Variants in THAP12 observed in about 807,000 individuals in gnomAD.
THAP12 encodes 52 kDa repressor of the inhibitor of the protein kinase.
In THAP12, 20 loss-of-function variants were observed where a neutral mutation model predicts 63.0. That is an observed-to-expected ratio of 0.32 (90% CI 0.22 to 0.46). The LOEUF (loss-of-function observed/expected upper bound fraction) is 0.46. Among genes scored for constraint, THAP12 ranks in the 20% least tolerant of loss-of-function variants. The pLI, the probability that THAP12 is intolerant of heterozygous loss-of-function variation, is 1.00. For missense variants in THAP12, 568 were observed against 908.2 expected (o/e 0.63, Z 4.81); for synonymous variants, 264 against 328.4 (o/e 0.80, Z 2.12).
At chr11:76,373,133 T>C (rs995609608) in intron 1 of THAP12, among the ~76,000 whole-genome samples, 12 of 152,016 alleles carry the variant, frequency 7.9e-5, no homozygotes, top group Admixed American at 2.6e-4. Flanking sequence ...AAGAATACAC[T>C]ACGTAAGTAC....
In THAP12 at chr11:76,352,696, T is replaced by C. The variant is rs1284108619; in HGVS notation, c.454A>G (p.Ile152Val). ...TTCTCTTCAAGGGTTAGAGGTAAAA[T>C]GTCCTCATCTTGCCCTTCACCCTCT... is the stretch of plus-strand genomic sequence containing the variant. Reference protein sequence around the residue: ...EEEGEGQDEDILPLTLEEKEN... With the variant: ...EEEGEGQDEDVLPLTLEEKEN... The change falls in exon 5 of 5, where the codon ATT becomes GTT. Residue 152 changes from isoleucine to valine, a missense_variant. By Grantham distance (29) the Ile-to-Val change is conservative. Transcript: ENST00000260045. The C allele has an allele frequency of 6.2e-7, 1 of 1,613,344 alleles. No homozygotes were observed. Among genetic ancestry groups the C allele is most frequent in the Admixed American group, 1.7e-5 (1 of 59,952 alleles).
At chr11:76,354,965 A>G (rs1946550797) in intron 4 of THAP12, among the ~76,000 whole-genome samples, 1 of 152,238 alleles carries the variant, frequency 6.6e-6, no homozygotes. Flanking sequence ...AACAGTACTT[A>G]TCTCACGGCT....
At chr11:76,369,356 TCA>T (rs779526113) in intron 1 of THAP12, among the ~76,000 whole-genome samples, 2 of 152,230 alleles carry the variant, frequency 1.3e-5, no homozygotes, top group Non-Finnish European at 1.5e-5. Context: ...ATCTACAATC[TCA>T]CAAACGTAAT....
Position 76,360,974 on chromosome 11 carries a change from T to C in THAP12, c.300A>G (p.Arg100=). 1 of 1,603,968 alleles carries C rather than the reference T, an allele frequency of 6.2e-7. No individual in the cohort carries two copies. The stretch of plus-strand genomic sequence containing the variant: ...GACATACCAGTTCTTTTATTCGTTT[T>C]CTGTGTCTACTATGTGGGTTGTTCA... The part of the protein sequence containing the change: ...SHLNNPHSRH[R]KRIKELSEDE... The change falls in exon 3 of 5, where the codon AGA becomes AGG. Residue 100 remains arginine, a synonymous_variant. Coordinates refer to ENST00000260045, the MANE Select transcript of THAP12 (RefSeq NM_004705.4).
chr11:76,360,885 A>T (rs1329393433), intron 3 of THAP12, 71 bp downstream of exon 3: 1 of 1,031,292 alleles, frequency 9.7e-7, no homozygotes, highest in Non-Finnish European at 1.5e-6. Context: ...TAATTTTAAC[A>T]TAAATGCATC....
intron 3 of THAP12, among the ~76,000 whole-genome samples, chr11:76,360,029 G>A (rs566840379): frequency 6.0e-4 from 91 of 152,310 alleles, no homozygotes; most frequent in African/African-American, 2.1e-3. Flanking sequence ...TTATATAACA[G>A]AGGTGGCATT....
chr11:76,352,550 G>A lies in THAP12; in HGVS notation c.600C>T (p.Asn200=). Residue 200 remains asparagine, a synonymous_variant, in exon 5 of 5, where the codon AAC becomes AAT. Transcript: ENST00000260045. The part of the protein sequence containing the change: ...EIPEGLFTPD[N]FQALLECRIN... ...TCCGACACTCCAGCAGTGCCTGAAA[G>A]TTATCTGGAGTAAAGAGACCTTCTG... 6.2e-7 allele frequency: 1 copy of A among 1,612,016 alleles called. No individual in the cohort carries two copies. The highest frequency in any genetic ancestry group is 2.3e-4 in the Middle Eastern group (1 of 4,430).
chr11:76,380,665 C>A (rs1459805824), intron 1 of THAP12, 83 bp downstream of exon 1: 63 of 1,120,412 alleles, frequency 5.6e-5, no homozygotes, highest in Non-Finnish European at 7.2e-5. Flanking sequence ...CTCAGCCAGC[C>A]CGGGAGCCCG....
chr11:76,377,045 G>A (rs1054457353), intron 1 of THAP12, among the ~76,000 whole-genome samples: 4 of 152,054 alleles, frequency 2.6e-5, no homozygotes, highest in Non-Finnish European at 5.9e-5. Context: ...CCCATGTCTC[G>A]GAACTTAAAA....
At position 76,352,694 on chromosome 11, in the gene THAP12, A is replaced by C. The variant is rs369430954; in HGVS notation, c.456T>G (p.Ile152Met). 104 of 1,613,204 alleles carry C rather than the reference A, an allele frequency of 6.4e-5. No individual in the cohort carries two copies. The highest frequency in any genetic ancestry group is 8.8e-5 in the Non-Finnish European group (104 of 1,179,906). ...CCTTCTCTTCAAGGGTTAGAGGTAA[A>C]ATGTCCTCATCTTGCCCTTCACCCT... Reference protein sequence around the residue: ...EEEGEGQDEDILPLTLEEKEN... With the variant: ...EEEGEGQDEDMLPLTLEEKEN... Residue 152 changes from isoleucine (I) to methionine (M), a missense_variant, in exon 5 of 5, where the codon ATT becomes ATG. By Grantham distance (10) the Ile-to-Met change is conservative. Coordinates refer to ENST00000260045, the MANE Select transcript of THAP12 (RefSeq NM_004705.4).
At chr11:76,361,204 TC>T in intron 2 of THAP12, 141 bp from the exon 3 acceptor site, 1 of 568,380 alleles carries the variant, frequency 1.8e-6, no homozygotes, top group Admixed American at 3.4e-5. Flanking sequence ...TGATGTCAGT[TC>T]AGGTCAGTCT....
rs957458947 is a variant in THAP12, at chr11:76,350,759, T to C, written c.*105A>G. Reference sequence around the variant, plus strand: ...GATTATCAATGGCTAATGTATTCAATGGAGTCCTATAGGCAAAGATATTTA... The same window carrying C: ...GATTATCAATGGCTAATGTATTCAACGGAGTCCTATAGGCAAAGATATTTA... On this transcript the variant is annotated 3_prime_UTR_variant, in exon 5 of 5. Coordinates refer to ENST00000260045, the MANE Select transcript of THAP12 (RefSeq NM_004705.4). 1 of 1,211,704 alleles carries C rather than the reference T, an allele frequency of 8.3e-7. No homozygotes were observed. The highest frequency in any genetic ancestry group is 2.1e-5 in the South Asian group (1 of 48,590). The allele number at this position is 1,211,704 out of a possible 1,614,324, so 75.1% of individuals were successfully genotyped here. A position where few individuals can be genotyped will look rare whatever the true frequency, so the allele number is the denominator to read the frequency against.
chr11:76,376,225 T>A (rs1402041585), intron 1 of THAP12, among the ~76,000 whole-genome samples: 33 of 152,258 alleles, frequency 2.2e-4, no homozygotes, highest in Non-Finnish European at 8.8e-5. Flanking sequence ...ACCAAAATTT[T>A]AAAAATTAAT....
At chr11:76,369,994 T>C (rs1204233845) in intron 1 of THAP12, among the ~76,000 whole-genome samples, 2 of 152,184 alleles carry the variant, frequency 1.3e-5, no homozygotes, top group Admixed American at 1.3e-4. Context: ...TCTTTAAATA[T>C]GGGGTGGTCT....
chr11:76,363,756 AT>A (rs764212621), intron 2 of THAP12, among the ~76,000 whole-genome samples: 2 of 151,668 alleles, frequency 1.3e-5, no homozygotes, highest in Non-Finnish European at 2.9e-5. Context: ...GCCCAGCAAA[AT>A]TTTTTTTGTT....
At chr11:76,366,613 G>A (rs1173499663) in intron 1 of THAP12, among the ~76,000 whole-genome samples, 4 of 151,984 alleles carry the variant, frequency 2.6e-5, no homozygotes, top group Non-Finnish European at 4.4e-5. Flanking sequence ...CCCGGGAGGC[G>A]GAGCTTGCAG....
intron 1 of THAP12, among the ~76,000 whole-genome samples, chr11:76,376,639 T>TTC (rs71036088): frequency 4.0e-5 from 6 of 148,902 alleles, no homozygotes; most frequent in Non-Finnish European, 7.4e-5. Context: ...TTTTTTTTTT[T>TTC]CAGGTAAGAG....
chr11:76,373,529 C>T (rs990975009), intron 1 of THAP12, among the ~76,000 whole-genome samples: 1 of 151,726 alleles, frequency 6.6e-6, no homozygotes, highest in Admixed American at 6.6e-5. Flanking sequence ...CCAGCCTGGG[C>T]AACATGGTGA....
chr11:76,380,491 C>T lies in THAP12; in HGVS notation c.89+257G>A, dbSNP rs893666314. Among the ~76,000 whole-genome samples, 29 of 152,212 alleles carry T rather than the reference C, an allele frequency of 1.9e-4. 2 individuals carry two copies. The highest frequency in any genetic ancestry group is 2.9e-5 in the Non-Finnish European group (2 of 68,032). ...AGCATCCCGCGTCCGCGCGCCGCCC[C>T]AGCTCCCTCGCGTTTGGGGTGGTGT... is the stretch of plus-strand genomic sequence containing the variant. On this transcript the variant is annotated intron_variant, in intron 1 of 4. Coordinates refer to ENST00000260045, the MANE Select transcript of THAP12 (RefSeq NM_004705.4).
Sources: gnomAD v4.1 joint callset for allele counts (sites outside exome capture counted in the v4.1 genomes callset) on GRCh38, gnomAD v4.1.1 for gene constraint, MANE v1.5 for transcripts, NCBI Gene and HGNC (gene_info 2026-07-23, HGNC 2026-07-21) for gene names.